The following SERPINB8 variants were observed in gnomAD, a reference collection of about 807,000 sequenced individuals.
SERPINB8 encodes the protein serpin family B member 8.
A neutral mutation model predicts 35.3 loss-of-function variants in SERPINB8; 25 were observed. The observed-to-expected ratio is 0.71, with a 90% CI of 0.52 to 0.99. SERPINB8 has a LOEUF of 0.99. SERPINB8 is among the 50% of genes least tolerant of loss of function. SERPINB8 has a pLI of 0.00. For missense variants in SERPINB8, 484 were observed against 446.5 expected (o/e 1.08, Z -0.76); for synonymous variants, 186 against 160.8 (o/e 1.16, Z -1.19).
Position 63,970,127 on chromosome 18 carries a change from A to AGCGGCG in SERPINB8, c.-52_-51insGGCGGC, listed in dbSNP as rs1394113315. Reference sequence around the variant, plus strand: ...TCTACAAAGGAGGAATAGTCAAAGCAGCAGCGGCGGCGGCGGCGGCGGCAG... The same window carrying AGCGGCG: ...TCTACAAAGGAGGAATAGTCAAAGCAGCGGCGGCAGCGGCGGCGGCGGCGGCGGCAG... On this transcript the variant is annotated 5_prime_UTR_variant, in exon 1 of 7. Coordinates refer to ENST00000397985, the MANE Select transcript of SERPINB8 (RefSeq NM_002640.4). 2.8e-5 allele frequency: 9 copies of AGCGGCG among 319,840 alleles called. No individual in the cohort carries two copies. The highest frequency in any genetic ancestry group is 1.3e-4 in the East Asian group (1 of 7,430). The allele number at this position is 319,840 out of a possible 1,614,324, so 19.8% of individuals were successfully genotyped here.
rs1219656135 is a variant in SERPINB8 at position 63,987,348 on chromosome 18, C to T, written c.*70C>T. 4 of 1,495,538 alleles carry T rather than the reference C, an allele frequency of 2.7e-6. No homozygotes were observed. The highest frequency in any genetic ancestry group is 3.6e-6 in the Non-Finnish European group (4 of 1,103,068). 92.6% of individuals were successfully genotyped at this position (1,495,538 alleles called of 1,614,324 possible). ...TTGCCTTAATTAACATTCCCTGTGACCTAGTTGGTGCAGTGGCTTGAATGC... is the reference window on the plus strand; with the variant it reads ...TTGCCTTAATTAACATTCCCTGTGATCTAGTTGGTGCAGTGGCTTGAATGC... On this transcript the variant is annotated 3_prime_UTR_variant, in exon 7 of 7. Coordinates refer to ENST00000397985, the MANE Select transcript of SERPINB8 (RefSeq NM_002640.4).
downstream of SERPINB8, among the ~76,000 whole-genome samples, chr18:63,993,997 C>G (rs1376762444): frequency 6.6e-6 from 1 of 152,154 alleles, no homozygotes; most frequent in Non-Finnish European, 1.5e-5. Context: ...TGAAGACACT[C>G]TCTTGCACTC....
At chr18:63,986,296 AG>A in intron 6 of SERPINB8, 1 of 1,610,456 alleles carries the variant, frequency 6.2e-7, no homozygotes, top group African/African-American at 1.3e-5. Context: ...AGCTAACTCC[AG>A]GACAGGCAGA....
intron 1 of SERPINB8, among the ~76,000 whole-genome samples, chr18:63,975,193 G>C (rs1457010049): frequency 6.6e-6 from 1 of 152,018 alleles, no homozygotes; most frequent in Non-Finnish European, 1.5e-5. Context: ...CTTATGCTAA[G>C]GTTGGATCAA....
chr18:63,983,761 A>G (rs1304270514), intron 5 of SERPINB8, 40 bp downstream of exon 5: 4 of 1,418,700 alleles, frequency 2.8e-6, no homozygotes, highest in Admixed American at 3.4e-5. Context: ...ACTTTCTTAA[A>G]GTAATATTAC....
intron 6 of SERPINB8, 104 bp from the exon 7 acceptor site, chr18:63,986,770 C>T (rs2050761291): frequency 7.2e-7 from 1 of 1,391,520 alleles, no homozygotes; most frequent in East Asian, 2.3e-5. Flanking sequence ...TGGACCAGAA[C>T]TCACCATCTA....
In SERPINB8 at chr18:63,987,995, C is replaced by G. The variant is rs1265777334; in HGVS notation, c.*717C>G. 1.3e-5 allele frequency: 2 copies of G among 152,206 alleles called. No individual in the cohort carries two copies. The allele number at this position is 152,206 out of a possible 1,614,324, so 9.4% of individuals were successfully genotyped here. On this transcript the variant is annotated 3_prime_UTR_variant, in exon 7 of 7. Transcript: ENST00000397985. Reference sequence around the variant, plus strand: ...CACACCACTGAGTCCTCTAACTAATCATATGTGCTCAGACACAGCTCAAGC... The same window carrying G: ...CACACCACTGAGTCCTCTAACTAATGATATGTGCTCAGACACAGCTCAAGC...
chr18:64,003,230 C>A (rs1357548722), intron 1 of SERPINB8, among the ~76,000 whole-genome samples: 2 of 152,136 alleles, frequency 1.3e-5, no homozygotes, highest in Non-Finnish European at 2.9e-5. Context: ...GAGTTGGGGC[C>A]ACCGGGACTG....
chr18:63,991,765 G>A (rs545179422), downstream of SERPINB8, among the ~76,000 whole-genome samples: 18 of 152,160 alleles, frequency 1.2e-4, no homozygotes, highest in East Asian at 3.3e-3. Flanking sequence ...AAAGCACGAA[G>A]GCTCCCATCA....
chr18:63,970,740 C>T (rs55928920), intron 1 of SERPINB8, among the ~76,000 whole-genome samples: 30,877 of 152,168 alleles, frequency 0.2, 3,299 homozygotes, highest in Middle Eastern at 0.3. Flanking sequence ...AAGCTTGCCC[C>T]TGTGCTTACA....
At chr18:63,972,824 GTTT>G (rs983568741) in intron 1 of SERPINB8, among the ~76,000 whole-genome samples, 2 of 151,850 alleles carry the variant, frequency 1.3e-5, no homozygotes, top group Non-Finnish European at 2.9e-5. Flanking sequence ...TGAACTCATC[GTTT>G]TTTTATGGCT....
chr18:63,990,071 GT>G (rs747683579), downstream of SERPINB8, among the ~76,000 whole-genome samples: 23,054 of 115,800 alleles, frequency 0.2, 1,406 homozygotes, highest in African/African-American at 0.37. Flanking sequence ...TTGTTTTCGT[GT>G]TTTTTTTTTT....
downstream of SERPINB8, among the ~76,000 whole-genome samples, chr18:63,990,080 T>C (rs2050816101): frequency 6.8e-6 from 1 of 147,612 alleles, no homozygotes; most frequent in South Asian, 2.2e-4. Flanking sequence ...TGTTTTTTTT[T>C]TTTTTTTTCT....
chr18:64,019,281 T>G (rs991760856), exon 8 of SERPINB8: 1 of 152,752 alleles, frequency 6.5e-6, no homozygotes. Flanking sequence ...TCTTGCCTCC[T>G]GCATCCAGTC....
At chr18:64,017,044 C>A (rs1215860225) in intron 7 of SERPINB8, among the ~76,000 whole-genome samples, 1 of 152,202 alleles carries the variant, frequency 6.6e-6, no homozygotes, top group African/African-American at 2.4e-5. Flanking sequence ...CATTTTCCCT[C>A]TTCCCAAGGC....
intron 1 of SERPINB8, among the ~76,000 whole-genome samples, chr18:63,994,889 G>C (rs535455523): frequency 6.6e-6 from 1 of 152,278 alleles, no homozygotes; most frequent in Admixed American, 6.5e-5. Flanking sequence ...ACACAATCCA[G>C]CTATTTTAAC....
At chr18:63,980,077 A>G (rs2050647129) in intron 3 of SERPINB8, 139 bp downstream of exon 3, 2 of 807,084 alleles carry the variant, frequency 2.5e-6, no homozygotes, top group South Asian at 1.8e-5. Flanking sequence ...AGATTTTATG[A>G]TGACTTCTGA....
intron 4 of SERPINB8, 143 bp downstream of exon 4, chr18:63,981,981 C>A: frequency 3.2e-6 from 2 of 615,708 alleles, no homozygotes; most frequent in Non-Finnish European, 5.8e-6. Flanking sequence ...TACAGGCCAG[C>A]AATGCAACTC....
intron 1 of SERPINB8, among the ~76,000 whole-genome samples, chr18:63,998,217 G>A (rs905556775): frequency 1.3e-5 from 2 of 152,192 alleles, no homozygotes; most frequent in Admixed American, 6.5e-5. Context: ...GATCCTAAAT[G>A]TAGTTGATGA....
Sources: gnomAD v4.1 joint callset for allele counts (sites outside exome capture counted in the v4.1 genomes callset) on GRCh38, gnomAD v4.1.1 for gene constraint, MANE v1.5 for transcripts, NCBI Gene and HGNC (gene_info 2026-07-23, HGNC 2026-07-21) for gene names.